Variants in GALNT13 observed in about 807,000 individuals in gnomAD.
GALNT13 encodes UDP-GalNAc:polypeptide N-acetylgalactosaminyltransferase 13.
GALNT13 carries 28 observed loss-of-function variants against 64.2 expected under a neutral mutation model. The observed-to-expected ratio is 0.44, with a 90% confidence interval of 0.32 to 0.60. GALNT13 has a LOEUF of 0.60. Ranked by LOEUF, GALNT13 falls within the 20% of genes least tolerant of loss-of-function variation. The pLI is 0.05. For missense variants in GALNT13, 577 were observed against 669.8 expected, an observed-to-expected ratio of 0.86 and a Z score of 1.53; for synonymous variants, 214 against 224.6, an observed-to-expected ratio of 0.95 and a Z score of 0.42.
intron 6 of GALNT13, among the ~76,000 whole-genome samples, chr2:154,244,582 C>T (rs530571149): frequency 1.3e-5 from 2 of 152,168 alleles, no homozygotes; most frequent in East Asian, 3.9e-4. Flanking sequence ...TTACCTTCTA[C>T]CAAATATGAA....
At chr2:154,331,767 C>G (rs1392620749) in intron 9 of GALNT13, among the ~76,000 whole-genome samples, 1 of 151,972 alleles carries the variant, frequency 6.6e-6, no homozygotes, top group South Asian at 2.1e-4. Flanking sequence ...GTAGTGAGTA[C>G]TAATTTTAAA....
At chr2:153,164,239 C>T in the GALNT13 span, among the ~76,000 whole-genome samples, 101 of 152,224 alleles carry the variant, frequency 6.6e-4, no homozygotes, top group African/African-American at 2.4e-3. Flanking sequence ...AGTCCATCTC[C>T]CTTTTCCAGA....
At chr2:153,727,436 C>T in the GALNT13 span, among the ~76,000 whole-genome samples, 23 of 152,188 alleles carry the variant, frequency 1.5e-4, no homozygotes, top group African/African-American at 5.5e-4. Flanking sequence ...ATAAATAGTG[C>T]TTTCATGAAC....
chr2:153,725,951 A>G, the GALNT13 span, among the ~76,000 whole-genome samples: 22 of 152,150 alleles, frequency 1.4e-4, no homozygotes, highest in Admixed American at 1.4e-3. Context: ...ATTTTTTCGT[A>G]TGAAGTGTTA....
chr2:153,217,276 T>A, the GALNT13 span, among the ~76,000 whole-genome samples: 5 of 152,102 alleles, frequency 3.3e-5, 1 homozygote, highest in African/African-American at 7.2e-5. Flanking sequence ...TTTGACTACT[T>A]CTGGGTTTTG....
chr2:153,264,610 A>G, the GALNT13 span, among the ~76,000 whole-genome samples: 4 of 152,348 alleles, frequency 2.6e-5, no homozygotes, highest in East Asian at 7.7e-4. Flanking sequence ...TTCAGCCATA[A>G]AAAGAAATGA....
chr2:153,355,795 C>T, the GALNT13 span, among the ~76,000 whole-genome samples: 30 of 152,154 alleles, frequency 2.0e-4, no homozygotes, highest in African/African-American at 7.0e-4. Flanking sequence ...AATGAGGGGA[C>T]TCATCCAGAG....
intron 3 of GALNT13, among the ~76,000 whole-genome samples, chr2:153,997,247 A>G (rs941499196): frequency 2.6e-5 from 4 of 152,132 alleles, no homozygotes; most frequent in African/African-American, 9.7e-5. Context: ...TTGAAATTAT[A>G]TATCACCTTG....
chr2:153,961,780 A>T (rs946526826), intron 3 of GALNT13, among the ~76,000 whole-genome samples: 7 of 152,216 alleles, frequency 4.6e-5, no homozygotes, highest in African/African-American at 1.7e-4. Context: ...ACTGTTTACC[A>T]AATTGTCCAC....
At chr2:153,224,609 A>C in the GALNT13 span, among the ~76,000 whole-genome samples, 1 of 152,228 alleles carries the variant, frequency 6.6e-6, no homozygotes, top group Non-Finnish European at 1.5e-5. Context: ...AAGCCCTCAC[A>C]AGGCTAAGCA....
chr2:154,250,263 ACAC>A (rs1354394292), intron 7 of GALNT13, among the ~76,000 whole-genome samples: 1 of 152,244 alleles, frequency 6.6e-6, no homozygotes, highest in East Asian at 1.9e-4. Context: ...AAGAAGCAGA[ACAC>A]CAATGAGCCA....
chr2:153,659,065 A>G, the GALNT13 span, among the ~76,000 whole-genome samples: 42 of 152,160 alleles, frequency 2.8e-4, no homozygotes, highest in Non-Finnish European at 4.4e-5. Flanking sequence ...AAGGACTGAG[A>G]ACTATTACAA....
At chr2:154,035,176 C>T (rs1430276792) in intron 3 of GALNT13, among the ~76,000 whole-genome samples, 1 of 152,058 alleles carries the variant, frequency 6.6e-6, no homozygotes, top group Non-Finnish European at 1.5e-5. Context: ...TATACACACA[C>T]ACATAGACAC....
chr2:153,303,598 G>A, the GALNT13 span, among the ~76,000 whole-genome samples: 8 of 152,180 alleles, frequency 5.3e-5, no homozygotes, highest in African/African-American at 1.9e-4. Flanking sequence ...GAATAGAAGT[G>A]GTAAGAGTAG....
At chr2:153,910,909 A>T (rs1197426972) in intron 2 of GALNT13, among the ~76,000 whole-genome samples, 1 of 152,048 alleles carries the variant, frequency 6.6e-6, no homozygotes, top group Non-Finnish European at 1.5e-5. Context: ...TTGTTTTTGG[A>T]TGGAGAGTCC....
chr2:153,953,800 G>A (rs1692369202), intron 3 of GALNT13, among the ~76,000 whole-genome samples: 1 of 152,084 alleles, frequency 6.6e-6, no homozygotes, highest in African/African-American at 2.4e-5. Flanking sequence ...GGCATTTTAA[G>A]TTGCTCTTAT....
At chr2:154,289,964 C>A (rs1257477269) in intron 8 of GALNT13, among the ~76,000 whole-genome samples, 2 of 152,174 alleles carry the variant, frequency 1.3e-5, no homozygotes, top group African/African-American at 4.8e-5. Context: ...GTTTAAAAGT[C>A]TTTTCTTGTT....
At chr2:153,551,541 T>A in the GALNT13 span, among the ~76,000 whole-genome samples, 29 of 152,104 alleles carry the variant, frequency 1.9e-4, no homozygotes, top group African/African-American at 6.8e-4. Flanking sequence ...GTAGTGGCAA[T>A]GGTGATAGTA....
chr2:153,770,022 G>A, the GALNT13 span, among the ~76,000 whole-genome samples: 1 of 151,872 alleles, frequency 6.6e-6, no homozygotes, highest in Non-Finnish European at 1.5e-5. Flanking sequence ...ATCTCATTTA[G>A]CTTCTTTAAA....
Sources: gnomAD v4.1 joint callset for allele counts (sites outside exome capture counted in the v4.1 genomes callset) on GRCh38, gnomAD v4.1.1 for gene constraint, MANE v1.5 for transcripts, NCBI Gene and HGNC (gene_info 2026-07-23, HGNC 2026-07-21) for gene names.